Variants in GABRB1 observed in about 807,000 individuals in gnomAD.
GABRB1 encodes gamma-aminobutyric acid type A receptor subunit beta1, also known as gamma-aminobutyric acid receptor subunit beta-1.
Under a neutral mutation model 51.6 loss-of-function variants are expected in GABRB1, and 17 were observed. That is an observed-to-expected ratio of 0.33 (90% confidence interval 0.23 to 0.49). GABRB1 has a LOEUF of 0.49. Ranked by LOEUF, GABRB1 falls within the 20% of genes least tolerant of loss-of-function variation. The probability of loss-of-function intolerance (pLI) is 0.99; values close to 1 mark genes in which losing one functional copy is unlikely to be tolerated. For missense variants in GABRB1, 410 were observed against 600.6 expected (o/e 0.68, Z 3.32); for synonymous variants, 247 against 218.9 (o/e 1.13, Z -1.14).
At chr4:47,371,085 T>TCCCCCCCCCC (rs59604624) in intron 5 of GABRB1, among the ~76,000 whole-genome samples, 13 of 129,618 alleles carry the variant, frequency 1.0e-4, no homozygotes, top group Admixed American at 2.4e-4. Context: ...ATGCTCTCCC[T>TCCCCCCCCCC]CCCCCACCCC....
At chr4:47,278,472 G>C (rs955426647) in intron 4 of GABRB1, among the ~76,000 whole-genome samples, 1 of 152,104 alleles carries the variant, frequency 6.6e-6, no homozygotes, top group Non-Finnish European at 1.5e-5. Context: ...AGAGGGATTT[G>C]AAAATGTTCA....
intron 4 of GABRB1, among the ~76,000 whole-genome samples, chr4:47,169,489 T>G (rs1394465900): frequency 6.6e-6 from 1 of 150,920 alleles, no homozygotes; most frequent in Non-Finnish European, 1.5e-5. Context: ...AAAGCCACCA[T>G]AAATGTGGAA....
At chr4:47,393,400 G>C (rs1485027994) in intron 5 of GABRB1, among the ~76,000 whole-genome samples, 1 of 152,182 alleles carries the variant, frequency 6.6e-6, no homozygotes, top group Non-Finnish European at 1.5e-5. Context: ...CGTGTGTATA[G>C]TGGAGTTTAT....
chr4:47,119,961 A>T (rs1183227622), intron 3 of GABRB1, among the ~76,000 whole-genome samples: 6 of 152,216 alleles, frequency 3.9e-5, no homozygotes. Context: ...ACTAGTAATT[A>T]AGGACATGCG....
chr4:47,173,240 C>T (rs1718520518), intron 4 of GABRB1, among the ~76,000 whole-genome samples: 1 of 152,128 alleles, frequency 6.6e-6, no homozygotes, highest in South Asian at 2.1e-4. Flanking sequence ...ACAATACAAA[C>T]ATCTGCTTTG....
At chr4:47,019,076 C>T (rs1039808355) in intron 1 of GABRB1, among the ~76,000 whole-genome samples, 1 of 152,142 alleles carries the variant, frequency 6.6e-6, no homozygotes, top group Non-Finnish European at 1.5e-5. Context: ...TAATTTGACA[C>T]TCCAGACCTC....
intron 3 of GABRB1, among the ~76,000 whole-genome samples, chr4:47,071,631 G>C (rs1727339600): frequency 6.7e-6 from 1 of 149,404 alleles, no homozygotes; most frequent in African/African-American, 2.5e-5. Context: ...ATATCCACAT[G>C]TACTTATTTT....
chr4:47,200,999 C>A lies in GABRB1; in HGVS notation c.461+39530C>A, dbSNP rs1719876944. ...ATGCCATATTTTAACAAACATAGTT[C>A]ACTAATATTTAATTGGAGAAATATT... On this transcript the variant is annotated intron_variant, in intron 4 of 8. Coordinates refer to ENST00000295454, the MANE Select transcript of GABRB1 (RefSeq NM_000812.4). Among the ~76,000 whole-genome samples, 8 of 152,168 alleles carry A rather than the reference C, an allele frequency of 5.3e-5. No individual in the cohort carries two copies. The South Asian group carries it at 1.7e-3, about 32-fold the overall frequency.
chr4:47,113,896 T>C (rs1033641458), intron 3 of GABRB1, among the ~76,000 whole-genome samples: 6 of 152,228 alleles, frequency 3.9e-5, no homozygotes, highest in African/African-American at 1.2e-4. Context: ...ACAGGATCCA[T>C]ACATAGAGTG....
chr4:47,319,415 A>T (rs1403623976), intron 4 of GABRB1, among the ~76,000 whole-genome samples: 2 of 151,748 alleles, frequency 1.3e-5, no homozygotes, highest in African/African-American at 4.8e-5. Context: ...AAAAGCTTTA[A>T]TTTTTCTGTA....
At chr4:47,332,422 A>G (rs1026957595) in intron 5 of GABRB1, among the ~76,000 whole-genome samples, 1 of 152,190 alleles carries the variant, frequency 6.6e-6, no homozygotes, top group East Asian at 1.9e-4. Flanking sequence ...GGAAATGGAC[A>G]TATTCTTATG....
intron 5 of GABRB1, among the ~76,000 whole-genome samples, chr4:47,347,610 G>C (rs1265457926): frequency 6.6e-6 from 1 of 151,840 alleles, no homozygotes; most frequent in African/African-American, 2.4e-5. Flanking sequence ...AAAGTGTTAA[G>C]TTTGAAAGAT....
chr4:47,001,665 T>A (rs1032974114), intron 1 of GABRB1, among the ~76,000 whole-genome samples: 11 of 152,232 alleles, frequency 7.2e-5, no homozygotes, highest in Non-Finnish European at 1.6e-4. Flanking sequence ...GGGTCTCCAG[T>A]CTGCCAGACT....
At chr4:47,401,573 G>A (rs1728386194) in intron 5 of GABRB1, among the ~76,000 whole-genome samples, 1 of 152,138 alleles carries the variant, frequency 6.6e-6, no homozygotes, top group Admixed American at 6.5e-5. Flanking sequence ...ATCCCATGAT[G>A]CCATTGTCCA....
At position 47,054,631 on chromosome 4, in the gene GABRB1, G is replaced by A. The variant is rs139276151; in HGVS notation, c.240+22147G>A. Among the ~76,000 whole-genome samples the A allele has an allele frequency of 9.5e-4, 144 of 151,992 alleles. 2 individuals carry two copies. The highest frequency in any genetic ancestry group is 3.2e-3 in the African/African-American group (132 of 41,442). On this transcript the variant is annotated intron_variant, in intron 3 of 8. Transcript: ENST00000295454. ...GAGTCTTGCTTTGTTGCCCAGGCTG[G>A]AGTGCAGTGGCATGGTCTCGGCTCA...
intron 1 of GABRB1, among the ~76,000 whole-genome samples, chr4:47,015,943 G>A (rs1034950544): frequency 5.9e-5 from 9 of 152,192 alleles, no homozygotes; most frequent in African/African-American, 1.9e-4. Flanking sequence ...GGTAAAAAGT[G>A]TACAAATAGA....
intron 4 of GABRB1, among the ~76,000 whole-genome samples, chr4:47,261,796 T>G (rs1410982121): frequency 1.3e-5 from 2 of 152,150 alleles, no homozygotes; most frequent in Admixed American, 1.3e-4. Context: ...CAAACTATAC[T>G]ACAAGCCTAC....
At chr4:47,288,473 A>G (rs965202091) in intron 4 of GABRB1, among the ~76,000 whole-genome samples, 20 of 152,044 alleles carry the variant, frequency 1.3e-4, no homozygotes, top group Non-Finnish European at 2.8e-4. Context: ...CACATTAGCC[A>G]GGATGGTCTT....
chr4:47,138,070 A>T (rs1716750728), intron 3 of GABRB1, among the ~76,000 whole-genome samples: 1 of 152,084 alleles, frequency 6.6e-6, no homozygotes, highest in African/African-American at 2.4e-5. Context: ...TGTATTCAAG[A>T]TTGTGTGGAT....
Sources: gnomAD v4.1 joint callset for allele counts (sites outside exome capture counted in the v4.1 genomes callset) on GRCh38, gnomAD v4.1.1 for gene constraint, MANE v1.5 for transcripts, NCBI Gene and HGNC (gene_info 2026-07-23, HGNC 2026-07-21) for gene names.